KPNA1: variants seen among roughly 807,000 people sequenced by gnomAD.
The protein encoded by KPNA1 is importin subunit alpha-5.
In KPNA1, 10 loss-of-function variants were observed where a neutral mutation model predicts 70.5. That is an observed-to-expected ratio of 0.14 (90% CI 0.09 to 0.24). KPNA1 has a LOEUF of 0.24. KPNA1 is among the 10% of genes least tolerant of loss of function. The pLI is 1.00. For synonymous variants in KPNA1, 192 were observed against 221.9 expected (o/e 0.87, Z 1.20); for missense variants, 397 against 637.9 (o/e 0.62, Z 4.07).
At chr3:122,514,694 G>A (rs535305577) in intron 1 of KPNA1, 63 bp downstream of exon 1, 1 of 152,442 alleles carries the variant, frequency 6.6e-6, no homozygotes, top group Admixed American at 6.5e-5. Flanking sequence ...GAGTCCCTCC[G>A]GGACTGCCCG....
chr3:122,444,151 G>A (rs1174786396), intron 9 of KPNA1, among the ~76,000 whole-genome samples: 4 of 145,892 alleles, frequency 2.7e-5, no homozygotes, highest in East Asian at 3.9e-4. Context: ...TCTCCTATTC[G>A]CTTTTGCAAG....
intron 2 of KPNA1, among the ~76,000 whole-genome samples, chr3:122,476,147 T>G (rs576288910): frequency 1.4e-4 from 21 of 152,346 alleles, no homozygotes; most frequent in African/African-American, 4.1e-4. Context: ...CATTTATGAT[T>G]AATTGATTTT....
At chr3:122,462,714 CAA>C (rs1371512592) in intron 4 of KPNA1, among the ~76,000 whole-genome samples, 1 of 151,984 alleles carries the variant, frequency 6.6e-6, no homozygotes, top group Non-Finnish European at 1.5e-5. Context: ...CTGCAAAAGA[CAA>C]TATTTTTTTG....
chr3:122,439,274 C>G (rs2076031804), intron 10 of KPNA1, among the ~76,000 whole-genome samples: 1 of 152,144 alleles, frequency 6.6e-6, no homozygotes, highest in Non-Finnish European at 1.5e-5. Context: ...CCTCAAACTC[C>G]TGGGTGCAAG....
chr3:122,427,821 A>C (rs2075842097), intron 12 of KPNA1, 105 bp from the exon 13 acceptor site: 1 of 670,586 alleles, frequency 1.5e-6, no homozygotes, highest in Non-Finnish European at 2.3e-6. Flanking sequence ...CTTAAAAAAA[A>C]AAACAAAAAA....
chr3:122,458,925 A>G (rs1273725649), intron 5 of KPNA1, among the ~76,000 whole-genome samples: 2 of 152,226 alleles, frequency 1.3e-5, no homozygotes, highest in African/African-American at 4.8e-5. Flanking sequence ...TGGCCCTTAG[A>G]TAACAAACAG....
chr3:122,422,789 C>G lies in KPNA1; in HGVS notation c.*4196G>C, dbSNP rs1221161088. ...CATGAGAAAAAAGGAAAGCCCTTAG[C>G]CAGGTATCTGGTGTACAATAGATGA... On this transcript the variant is annotated 3_prime_UTR_variant, in exon 14 of 14. Coordinates refer to ENST00000344337, the MANE Select transcript of KPNA1 (RefSeq NM_002264.4). 1 of 152,198 alleles carries G rather than the reference C, an allele frequency of 6.6e-6. No homozygotes were observed. The highest frequency in any genetic ancestry group is 1.5e-5 in the Non-Finnish European group (1 of 68,040). 9.4% of individuals were successfully genotyped at this position (152,198 alleles called of 1,614,324 possible).
chr3:122,514,361 G>GCCCCCC, intron 1 of KPNA1: 1 of 152,182 alleles, frequency 6.6e-6, no homozygotes, highest in South Asian at 1.8e-4. Context: ...GCTCTGCGCG[G>GCCCCCC]CCCACCCCCG....
chr3:122,449,240 C>T (rs951081782), intron 9 of KPNA1, among the ~76,000 whole-genome samples: 1 of 152,096 alleles, frequency 6.6e-6, no homozygotes, highest in Admixed American at 6.5e-5. Flanking sequence ...ATGAGACAGA[C>T]AGATAAGGAA....
chr3:122,456,670 C>T (rs1295641983), intron 5 of KPNA1, among the ~76,000 whole-genome samples: 2 of 151,822 alleles, frequency 1.3e-5, no homozygotes, highest in East Asian at 3.8e-4. Flanking sequence ...AAGTGAATAA[C>T]AGCCTGAATA....
intron 12 of KPNA1, among the ~76,000 whole-genome samples, chr3:122,430,056 C>T (rs909204455): frequency 2.0e-5 from 3 of 151,828 alleles, no homozygotes; most frequent in African/African-American, 7.3e-5. Context: ...AATATCTCAA[C>T]TGTATTTTTA....
intron 12 of KPNA1, chr3:122,432,803 G>A (rs1321604783): frequency 1.3e-5 from 2 of 152,128 alleles, no homozygotes; most frequent in African/African-American, 2.4e-5. Context: ...GCTGCTCGTC[G>A]GGCATGATGG....
chr3:122,456,618 A>G (rs879698833), intron 5 of KPNA1, among the ~76,000 whole-genome samples: 1 of 152,236 alleles, frequency 6.6e-6, no homozygotes, highest in Non-Finnish European at 1.5e-5. Flanking sequence ...AAAATAGAGA[A>G]GCAAAACAAT....
intron 10 of KPNA1, among the ~76,000 whole-genome samples, chr3:122,438,681 C>T (rs891994769): frequency 1.4e-4 from 22 of 152,120 alleles, no homozygotes; most frequent in African/African-American, 4.3e-4. Context: ...CCACCACGCT[C>T]GGCCAGGTAT....
In KPNA1 at chr3:122,424,097, T is replaced by C. The variant is rs943267874; in HGVS notation, c.*2888A>G. 4 of 152,290 alleles carry C rather than the reference T, an allele frequency of 2.6e-5. No individual in the cohort carries two copies. The highest frequency in any genetic ancestry group is 4.8e-5 in the African/African-American group (2 of 41,568). The allele number at this position is 152,290 out of a possible 1,614,324, so 9.4% of individuals were successfully genotyped here. ...GATGCCTTTACATCCAAAATTCTCTTAATGCTTTTTTTCCCCCACCAAAGT... is the reference window on the plus strand; with the variant it reads ...GATGCCTTTACATCCAAAATTCTCTCAATGCTTTTTTTCCCCCACCAAAGT... On this transcript the variant is annotated 3_prime_UTR_variant, in exon 14 of 14. Transcript: ENST00000344337.
intron 10 of KPNA1, among the ~76,000 whole-genome samples, chr3:122,440,434 G>A (rs2076047558): frequency 6.6e-6 from 1 of 152,198 alleles, no homozygotes; most frequent in East Asian, 1.9e-4. Context: ...TTAAAACTCT[G>A]AGCTGAGAGT....
At chr3:122,452,572 G>GGAAGGAAGGAAGGAA (rs2076216864) in intron 6 of KPNA1, among the ~76,000 whole-genome samples, 8 of 22,414 alleles carry the variant, frequency 3.6e-4, no homozygotes, top group African/African-American at 6.1e-4. Flanking sequence ...GAGGGAAGGA[G>GGAAGGAAGGAAGGAA]GGAAGGAAGG....
intron 2 of KPNA1, among the ~76,000 whole-genome samples, chr3:122,491,989 G>A (rs1471478937): frequency 6.7e-6 from 1 of 149,056 alleles, no homozygotes; most frequent in Non-Finnish European, 1.5e-5. Context: ...AGCCTCCCGT[G>A]TAGCTGGGAC....
intron 5 of KPNA1, among the ~76,000 whole-genome samples, 183 bp from the exon 6 acceptor site, chr3:122,454,184 G>T (rs1049425004): frequency 2.0e-5 from 3 of 152,114 alleles, no homozygotes; most frequent in Admixed American, 6.5e-5. Flanking sequence ...CAACCTAGAA[G>T]AATATTCAGG....
Sources: allele counts gnomAD v4.1 joint callset (sites outside exome capture counted in the v4.1 genomes callset), GRCh38; gene constraint gnomAD v4.1.1; transcripts MANE v1.5; gene names NCBI Gene and HGNC (gene_info 2026-07-23, HGNC 2026-07-21).